Variants in DSCAM observed in about 807,000 individuals in gnomAD.
DSCAM encodes the protein cell adhesion molecule DSCAM.
In DSCAM, 47 loss-of-function variants were observed where a neutral mutation model predicts 217.7. That is an observed-to-expected ratio of 0.22 (90% CI 0.17 to 0.28). The LOEUF (loss-of-function observed/expected upper bound fraction) is 0.28. Ranked by LOEUF, DSCAM falls within the 10% of genes least tolerant of loss-of-function variation. DSCAM has a pLI of 1.00. For missense variants in DSCAM, 2,080 were observed against 2,618.3 expected (o/e 0.79, Z 4.49); for synonymous variants, 1,056 against 1,015.3 (o/e 1.04, Z -0.76).
At chr21:40,728,702 G>A (rs1484458105) in intron 1 of DSCAM, among the ~76,000 whole-genome samples, 3 of 152,186 alleles carry the variant, frequency 2.0e-5, no homozygotes, top group Non-Finnish European at 2.9e-5. Flanking sequence ...TTACAGGCAT[G>A]AGCCACCATG....
chr21:40,433,346 TAAAA>T (rs10678618), intron 3 of DSCAM, among the ~76,000 whole-genome samples: 1 of 93,734 alleles, frequency 1.1e-5, no homozygotes. Flanking sequence ...AGACTCCGTC[TAAAA>T]AAAAAAAAAA....
chr21:40,580,402 G>A (rs1003668283), intron 3 of DSCAM, among the ~76,000 whole-genome samples: 11 of 151,796 alleles, frequency 7.2e-5, no homozygotes, highest in South Asian at 4.2e-4. Context: ...GCGTGGTGGC[G>A]GGCGCCCATA....
chr21:40,087,256 T>C lies in DSCAM; in HGVS notation c.3882A>G (p.Thr1294=), dbSNP rs2089545257. 1 of 1,614,114 alleles carries C rather than the reference T, an allele frequency of 6.2e-7. No individual in the cohort carries two copies. Among genetic ancestry groups the C allele is most frequent in the Non-Finnish European group, 8.5e-7 (1 of 1,179,964 alleles). The change falls in exon 22 of 33, where the codon ACA becomes ACG. Residue 1294 remains threonine, a synonymous_variant. Coordinates refer to ENST00000400454, the MANE Select transcript of DSCAM (RefSeq NM_001389.5). ...TGTCTTTCATCCATGGAGTAGTCAC[T>C]GTCCCACTGAAGGTCAGGATTCGTG... ...APARILTFSG[T]VTTPWMKDIV...
At chr21:40,503,860 G>T (rs1451150890) in intron 3 of DSCAM, among the ~76,000 whole-genome samples, 1 of 152,132 alleles carries the variant, frequency 6.6e-6, no homozygotes, top group Non-Finnish European at 1.5e-5. Flanking sequence ...TATTTGACCT[G>T]GTAATTCAGG....
chr21:40,468,371 G>A (rs1281014168), intron 3 of DSCAM, among the ~76,000 whole-genome samples: 1 of 152,156 alleles, frequency 6.6e-6, no homozygotes, highest in African/African-American at 2.4e-5. Context: ...TTTCATAGCA[G>A]AGACAGAGAG....
intron 6 of DSCAM, among the ~76,000 whole-genome samples, chr21:40,343,853 T>A (rs2074527260): frequency 6.6e-6 from 1 of 150,500 alleles, no homozygotes; most frequent in Non-Finnish European, 1.5e-5. Flanking sequence ...ATTATTTTAT[T>A]TCATTTTATT....
intron 3 of DSCAM, among the ~76,000 whole-genome samples, chr21:40,500,335 A>G (rs1353768794): frequency 6.6e-6 from 1 of 152,090 alleles, no homozygotes; most frequent in Non-Finnish European, 1.5e-5. Flanking sequence ...CTAGTAATAA[A>G]CTGCTTATTT....
At chr21:40,791,156 C>CG in intron 1 of DSCAM, among the ~76,000 whole-genome samples, 1 of 142,078 alleles carries the variant, frequency 7.0e-6, no homozygotes, top group East Asian at 2.1e-4. Flanking sequence ...GACTTCATCT[C>CG]AAAAAAAAAA....
chr21:40,176,423 CA>C (rs550018618), intron 15 of DSCAM, among the ~76,000 whole-genome samples: 75 of 152,158 alleles, frequency 4.9e-4, no homozygotes, highest in Middle Eastern at 3.4e-3. Context: ...AATAAGGGAA[CA>C]GTGGGACAAG....
intron 16 of DSCAM, among the ~76,000 whole-genome samples, chr21:40,154,866 T>C (rs2146743933): frequency 6.6e-6 from 1 of 152,370 alleles, no homozygotes; most frequent in Middle Eastern, 3.4e-3. Context: ...ACTTGCAGGC[T>C]GCAGCTGCCA....
Position 40,353,772 on chromosome 21 carries a change from C to T in DSCAM, c.656-29G>A, listed in dbSNP as rs373087454. ...TAGAAGAAATAAAAACTCTTAGAGG[C>T]AGGAATGAGGAGTTGAAGTGGTCAT... On this transcript the variant is annotated intron_variant, in intron 4 of 32. Transcript: ENST00000400454. 14 of 1,494,018 alleles carry T rather than the reference C, an allele frequency of 9.4e-6. No individual in the cohort carries two copies. The South Asian group carries it at 1.8e-4, about 19-fold the overall frequency. 92.5% of individuals were successfully genotyped at this position (1,494,018 alleles called of 1,614,324 possible).
At chr21:40,301,754 G>T (rs1378016701) in intron 9 of DSCAM, among the ~76,000 whole-genome samples, 1 of 152,308 alleles carries the variant, frequency 6.6e-6, no homozygotes, top group Admixed American at 6.5e-5. Flanking sequence ...GCAACTATGC[G>T]TTGAAAGGAC....
chr21:40,261,858 G>A (rs987851121), intron 11 of DSCAM, among the ~76,000 whole-genome samples: 13 of 152,110 alleles, frequency 8.5e-5, no homozygotes, highest in Non-Finnish European at 1.3e-4. Context: ...AAATTCATAT[G>A]TTGAAGCCCT....
At chr21:40,581,720 T>G (rs981594861) in intron 3 of DSCAM, among the ~76,000 whole-genome samples, 1 of 152,186 alleles carries the variant, frequency 6.6e-6, no homozygotes, top group Non-Finnish European at 1.5e-5. Context: ...TACCCAAGCC[T>G]TCCAGGGGAC....
rs868131761 is a variant in DSCAM, at chr21:40,485,464, C to G, written c.509-116219G>C. 1.4e-3 allele frequency among the ~76,000 whole-genome samples: 205 copies of G among 150,380 alleles called. No individual in the cohort carries two copies. In the East Asian group the frequency reaches 0.014, roughly 11 times the overall value. On this transcript the variant is annotated intron_variant, in intron 3 of 32. Coordinates refer to ENST00000400454, the MANE Select transcript of DSCAM (RefSeq NM_001389.5). ...TCACCGTGTTAGCCAGGATGGTCTCCATCTCCTGACCTCGTGATCCGCCCG... is the reference window on the plus strand; with the variant it reads ...TCACCGTGTTAGCCAGGATGGTCTCGATCTCCTGACCTCGTGATCCGCCCG...
At chr21:40,103,340 C>A (rs2146615205) in intron 20 of DSCAM, among the ~76,000 whole-genome samples, 1 of 152,036 alleles carries the variant, frequency 6.6e-6, no homozygotes, top group South Asian at 2.1e-4. Context: ...AAAAAAAACT[C>A]CCCCAAGCAA....
chr21:40,223,320 C>G (rs1224388601), intron 11 of DSCAM, among the ~76,000 whole-genome samples: 1 of 152,224 alleles, frequency 6.6e-6, no homozygotes, highest in Non-Finnish European at 1.5e-5. Context: ...TGAGAGCCCC[C>G]ATTCAAGTCA....
At chr21:40,280,296 C>G (rs774313396) in intron 10 of DSCAM, among the ~76,000 whole-genome samples, 1 of 151,642 alleles carries the variant, frequency 6.6e-6, no homozygotes, top group Non-Finnish European at 1.5e-5. Context: ...ATCCTCCCCC[C>G]TCAGCCTCCC....
chr21:40,260,246 C>T (rs540469309), intron 11 of DSCAM, among the ~76,000 whole-genome samples: 11 of 152,180 alleles, frequency 7.2e-5, no homozygotes, highest in South Asian at 4.2e-4. Flanking sequence ...AGTAGCCAAA[C>T]GGATAGCCAC....
Sources: gnomAD v4.1 joint callset for allele counts (sites outside exome capture counted in the v4.1 genomes callset) on GRCh38, gnomAD v4.1.1 for gene constraint, MANE v1.5 for transcripts, NCBI Gene and HGNC (gene_info 2026-07-23, HGNC 2026-07-21) for gene names.